The following PTPRN2 variants were observed in gnomAD, a reference collection of about 807,000 sequenced individuals.
The protein encoded by PTPRN2 is protein tyrosine phosphatase receptor type N2.
A neutral mutation model predicts 118.8 loss-of-function variants in PTPRN2; 74 were observed. The observed-to-expected ratio is 0.62, with a 90% CI of 0.52 to 0.76. PTPRN2 has a LOEUF of 0.76. Among genes scored for constraint, PTPRN2 ranks in the 30% least tolerant of loss-of-function variants. The pLI is 0.00. For synonymous variants in PTPRN2, 641 were observed against 608.0 expected, an observed-to-expected ratio of 1.05 and a Z score of -0.80; for missense variants, 1,481 against 1,394.4, an observed-to-expected ratio of 1.06 and a Z score of -0.99.
At chr7:157,848,622 G>A (rs1223453155) in intron 12 of PTPRN2, among the ~76,000 whole-genome samples, 1 of 152,266 alleles carries the variant, frequency 6.6e-6, no homozygotes, top group Non-Finnish European at 1.5e-5. Context: ...ACCAGTCAAT[G>A]AAGCCACAGA....
At chr7:158,186,936 C>G (rs1160128427) in intron 5 of PTPRN2, among the ~76,000 whole-genome samples, 1 of 152,184 alleles carries the variant, frequency 6.6e-6, no homozygotes, top group Non-Finnish European at 1.5e-5. Context: ...GATAAATCAG[C>G]TAGTTAATGG....
intron 2 of PTPRN2, among the ~76,000 whole-genome samples, chr7:158,366,440 C>G (rs746937746): frequency 4.0e-5 from 6 of 151,178 alleles, no homozygotes; most frequent in Non-Finnish European, 5.9e-5. Context: ...CACGCGTGCA[C>G]ACGCACACAC....
At position 158,526,309 on chromosome 7, in the gene PTPRN2, G is replaced by C. The variant is rs545040486; in HGVS notation, c.113-36524C>G. On this transcript the variant is annotated intron_variant, in intron 1 of 22. Coordinates refer to ENST00000389418, the MANE Select transcript of PTPRN2 (RefSeq NM_002847.5). The surrounding 1 kb of genome is among the most constrained non-coding windows in gnomAD (Gnocchi z 5.2). ...AAGGGAACTGACACCACTCCTTCCCGGTGAGCTCGGCAGGGCTGCATCTCT... is the reference window on the plus strand; with the variant it reads ...AAGGGAACTGACACCACTCCTTCCCCGTGAGCTCGGCAGGGCTGCATCTCT... 6.6e-6 allele frequency among the ~76,000 whole-genome samples: 1 copy of C among 152,138 alleles called. No individual in the cohort carries two copies. The highest frequency in any genetic ancestry group is 1.5e-5 in the Non-Finnish European group (1 of 68,016).
chr7:157,667,035 G>A (rs1301061554), intron 13 of PTPRN2, among the ~76,000 whole-genome samples: 1 of 97,224 alleles, frequency 1.0e-5, no homozygotes. Flanking sequence ...TTGCACACTC[G>A]GCCCGTGGGA....
chr7:158,193,372 G>A (rs921925914), intron 4 of PTPRN2, among the ~76,000 whole-genome samples: 2 of 152,202 alleles, frequency 1.3e-5, no homozygotes, highest in Non-Finnish European at 1.5e-5. Flanking sequence ...ACTTGCCAGT[G>A]GGGCCCCCAT....
chr7:157,970,020 C>T (rs1348610238), intron 11 of PTPRN2, among the ~76,000 whole-genome samples: 2 of 151,928 alleles, frequency 1.3e-5, no homozygotes, highest in East Asian at 1.9e-4. Flanking sequence ...CCAGGAAAAA[C>T]ATCACTGGGC....
At chr7:157,658,792 G>A (rs1380392544) in intron 13 of PTPRN2, among the ~76,000 whole-genome samples, 1 of 152,196 alleles carries the variant, frequency 6.6e-6, no homozygotes. Context: ...AAGAGAACTG[G>A]AGCTCAACAG....
At chr7:158,321,107 C>T (rs918037428) in intron 2 of PTPRN2, among the ~76,000 whole-genome samples, 3 of 139,048 alleles carry the variant, frequency 2.2e-5, no homozygotes, top group Non-Finnish European at 4.8e-5. Flanking sequence ...ACTCCGGAGT[C>T]GGGACGCCAG....
intron 11 of PTPRN2, among the ~76,000 whole-genome samples, chr7:157,999,347 T>C (rs1259234036): frequency 6.6e-6 from 1 of 152,216 alleles, no homozygotes; most frequent in Non-Finnish European, 1.5e-5. Flanking sequence ...ATTAGTTTCA[T>C]GGTGACTGAG....
At chr7:158,442,200 T>C (rs1167821412) in intron 2 of PTPRN2, among the ~76,000 whole-genome samples, 3 of 151,402 alleles carry the variant, frequency 2.0e-5, no homozygotes, top group Admixed American at 1.3e-4. Flanking sequence ...GTAATGGTCA[T>C]GGCAGTGGTG....
At chr7:157,993,366 CA>C (rs1804403154) in intron 11 of PTPRN2, among the ~76,000 whole-genome samples, 1 of 151,576 alleles carries the variant, frequency 6.6e-6, no homozygotes, top group African/African-American at 2.4e-5. Context: ...TGAGCCTCCG[CA>C]AAAAAAGACC....
intron 3 of PTPRN2, among the ~76,000 whole-genome samples, chr7:158,302,044 AG>A (rs1800932278): frequency 6.6e-6 from 1 of 152,228 alleles, no homozygotes; most frequent in Admixed American, 6.5e-5. Context: ...AGTACTGCTA[AG>A]GAAAAACAAA....
At chr7:158,308,326 C>T (rs1801449296) in intron 3 of PTPRN2, among the ~76,000 whole-genome samples, 1 of 152,150 alleles carries the variant, frequency 6.6e-6, no homozygotes, top group South Asian at 2.1e-4. Flanking sequence ...TTTCCAACAA[C>T]CCTTCCCTAG....
chr7:158,130,196 G>A lies in PTPRN2; in HGVS notation c.1556+3481C>T, dbSNP rs114803966. On this transcript the variant is annotated intron_variant, in intron 9 of 22. Transcript: ENST00000389418. The stretch of plus-strand genomic sequence containing the variant: ...TGCAGCACAGCGACAGCACCAGCCC[G>A]AGCACTGCGAGGCTCGCAGAGCCCG... Among the ~76,000 whole-genome samples, 1,074 of 152,286 alleles carry A rather than the reference G, an allele frequency of 7.1e-3. 13 individuals carry two copies. Among genetic ancestry groups the A allele is most frequent in the African/African-American group, 0.017 (721 of 41,538 alleles).
At chr7:157,595,403 G>C in intron 16 of PTPRN2, 88 bp from the exon 17 acceptor site, 1 of 1,264,360 alleles carries the variant, frequency 7.9e-7, no homozygotes, top group Non-Finnish European at 1.1e-6. Context: ...AAGCCAGAAG[G>C]TTAGGAAACC....
rs1801448344 is a variant in PTPRN2 at position 157,598,025 on chromosome 7, G to A, written c.2419-2710C>T. 6.6e-6 allele frequency among the ~76,000 whole-genome samples: 1 copy of A among 152,198 alleles called. No individual in the cohort carries two copies. Among genetic ancestry groups the A allele is most frequent in the African/African-American group, 2.4e-5 (1 of 41,448 alleles). On this transcript the variant is annotated intron_variant, in intron 16 of 22. Transcript: ENST00000389418. This position sits in a 1 kb window ranked among gnomAD's most constrained non-coding sequence, Gnocchi z 5.2. ...CCTTGTGGTCTCACGCAGGCTTCGAGGAAAAGTCAAGCAAATACTTAACTG... is the reference window on the plus strand; with the variant it reads ...CCTTGTGGTCTCACGCAGGCTTCGAAGAAAAGTCAAGCAAATACTTAACTG...
intron 6 of PTPRN2, among the ~76,000 whole-genome samples, chr7:158,143,564 G>C (rs1223218939): frequency 6.6e-6 from 1 of 152,180 alleles, no homozygotes; most frequent in Non-Finnish European, 1.5e-5. Context: ...AGGGAGGTGA[G>C]GAATGAGTGG....
intron 17 of PTPRN2, among the ~76,000 whole-genome samples, chr7:157,579,235 C>T (rs1002826977): frequency 6.6e-6 from 1 of 152,232 alleles, no homozygotes; most frequent in Non-Finnish European, 1.5e-5. Context: ...AGGCACCTCA[C>T]TGTGTAACAT....
At chr7:158,280,210 C>T (rs953216284) in intron 3 of PTPRN2, among the ~76,000 whole-genome samples, 2 of 152,236 alleles carry the variant, frequency 1.3e-5, no homozygotes, top group African/African-American at 2.4e-5. Flanking sequence ...CCACAGCCTT[C>T]AAGCACATCT....
Sources: gnomAD v4.1 joint callset for allele counts (sites outside exome capture counted in the v4.1 genomes callset) on GRCh38, gnomAD v4.1.1 for gene constraint, Gnocchi (gnomAD v3.1) non-coding constraint, MANE v1.5 for transcripts, NCBI Gene and HGNC (gene_info 2026-07-23, HGNC 2026-07-21) for gene names.